The following NCALD variants were observed in gnomAD, a reference collection of about 807,000 sequenced individuals.
NCALD encodes neurocalcin delta, also known as neurocalcin-delta.
NCALD carries 10 observed loss-of-function variants against 18.6 expected under a neutral mutation model. The ratio of observed to expected loss-of-function variants is 0.54; its 90% CI spans 0.33 to 0.91. The LOEUF (loss-of-function observed/expected upper bound fraction) is 0.91, where lower values mean the gene tolerates loss of function less well. Ranked by LOEUF, NCALD falls within the 40% of genes least tolerant of loss-of-function variation. NCALD has a pLI of 0.03. For synonymous variants in NCALD, 88 were observed against 87.4 expected, an observed-to-expected ratio of 1.01 and a Z score of -0.04; for missense variants, 184 against 247.6, an observed-to-expected ratio of 0.74 and a Z score of 1.72.
chr8:102,002,771 A>G (rs1009515575), intron 2 of NCALD, among the ~76,000 whole-genome samples: 1 of 152,256 alleles, frequency 6.6e-6, no homozygotes, highest in Non-Finnish European at 1.5e-5. Context: ...CTGCTCCTGA[A>G]TGACTACTGT....
At chr8:101,929,861 C>T (rs910415590) in intron 2 of NCALD, among the ~76,000 whole-genome samples, 7 of 152,078 alleles carry the variant, frequency 4.6e-5, no homozygotes, top group Non-Finnish European at 7.4e-5. Flanking sequence ...GCCTGACCAA[C>T]ATGGTAAAAC....
intron 1 of NCALD, among the ~76,000 whole-genome samples, chr8:102,102,823 T>C (rs990322868): frequency 3.0e-4 from 46 of 152,136 alleles, no homozygotes; most frequent in African/African-American, 1.0e-3. Context: ...GCTCTCGGTT[T>C]CCAGCTGGGC....
At chr8:101,961,560 T>C (rs539398510) in intron 2 of NCALD, among the ~76,000 whole-genome samples, 21 of 152,278 alleles carry the variant, frequency 1.4e-4, no homozygotes, top group Admixed American at 1.2e-3. Context: ...ACTGTGGTAC[T>C]GCTGGGGTAT....
At chr8:101,922,970 G>A (rs1412510942) in intron 2 of NCALD, among the ~76,000 whole-genome samples, 5 of 152,128 alleles carry the variant, frequency 3.3e-5, no homozygotes, top group Admixed American at 3.3e-4. Context: ...ACCTAGGAAA[G>A]TGAAACTATG....
chr8:101,948,177 C>T (rs371343783), intron 2 of NCALD, among the ~76,000 whole-genome samples: 4 of 152,176 alleles, frequency 2.6e-5, no homozygotes, highest in East Asian at 3.8e-4. Context: ...TTGGGGAAGA[C>T]GTTGCAATAA....
intron 1 of NCALD, among the ~76,000 whole-genome samples, chr8:102,025,057 T>C (rs989338056): frequency 1.3e-5 from 2 of 152,212 alleles, no homozygotes; most frequent in African/African-American, 4.8e-5. Context: ...GGGCCCTGTA[T>C]GACCTGTCCC....
At chr8:102,006,302 T>G (rs1424803592) in intron 2 of NCALD, among the ~76,000 whole-genome samples, 1 of 152,130 alleles carries the variant, frequency 6.6e-6, no homozygotes, top group Non-Finnish European at 1.5e-5. Flanking sequence ...AATGTTTTCA[T>G]TGGTTCTCTT....
intron 1 of NCALD, among the ~76,000 whole-genome samples, chr8:101,784,795 T>C (rs1450151399): frequency 1.3e-5 from 2 of 152,064 alleles, no homozygotes; most frequent in African/African-American, 2.4e-5. Context: ...TGAGAACCCA[T>C]CTCTAAAAAA....
At chr8:101,915,713 T>C (rs1817949954) in intron 3 of NCALD, 1 of 152,204 alleles carries the variant, frequency 6.6e-6, no homozygotes, top group African/African-American at 2.4e-5. Context: ...CTATTCTTGA[T>C]AAAACATTTG....
chr8:101,984,001 G>A (rs1820715142), intron 2 of NCALD, among the ~76,000 whole-genome samples: 1 of 152,176 alleles, frequency 6.6e-6, no homozygotes, highest in African/African-American at 2.4e-5. Context: ...GGTCTCTCCT[G>A]AATCACCTGC....
At chr8:102,123,468 A>C (rs1587131254) in intron 1 of NCALD, among the ~76,000 whole-genome samples, 1 of 151,446 alleles carries the variant, frequency 6.6e-6, no homozygotes, top group Admixed American at 6.6e-5. Context: ...TAGAAAAAAA[A>C]AAAAAAAACT....
intron 1 of NCALD, among the ~76,000 whole-genome samples, chr8:101,747,791 C>T (rs1302878872): frequency 6.6e-6 from 1 of 151,296 alleles, no homozygotes; most frequent in Non-Finnish European, 1.5e-5. Flanking sequence ...GATCTCAGCT[C>T]ACCGCAACCT....
intron 2 of NCALD, among the ~76,000 whole-genome samples, chr8:102,009,232 A>G (rs757814716): frequency 5.3e-5 from 8 of 152,252 alleles, no homozygotes; most frequent in South Asian, 2.1e-4. Context: ...TGGTGGTCCA[A>G]TGACCTTTCT....
chr8:101,989,560 C>A (rs1820963838), intron 2 of NCALD, among the ~76,000 whole-genome samples: 1 of 152,182 alleles, frequency 6.6e-6, no homozygotes, highest in Non-Finnish European at 1.5e-5. Context: ...ATATAACATT[C>A]AATTATAAAA....
At chr8:101,809,982 G>A (rs551565705) in intron 4 of NCALD, among the ~76,000 whole-genome samples, 52 of 152,330 alleles carry the variant, frequency 3.4e-4, no homozygotes, top group Non-Finnish European at 6.2e-4. Context: ...GAATGAGGAA[G>A]TAGGGCTGAG....
chr8:102,105,462 C>T (rs2132429108), intron 1 of NCALD, among the ~76,000 whole-genome samples: 1 of 152,260 alleles, frequency 6.6e-6, no homozygotes, highest in African/African-American at 2.4e-5. Flanking sequence ...GCTTGTGTTG[C>T]CTTTCTCAGT....
chr8:101,870,855 G>T (rs1277792574), intron 4 of NCALD, among the ~76,000 whole-genome samples: 1 of 148,624 alleles, frequency 6.7e-6, no homozygotes, highest in Non-Finnish European at 1.5e-5. Context: ...TACCAAAAAG[G>T]TTCAAAAAGG....
chr8:101,855,538 A>G (rs1190329784), intron 4 of NCALD, among the ~76,000 whole-genome samples: 1 of 152,200 alleles, frequency 6.6e-6, no homozygotes, highest in Non-Finnish European at 1.5e-5. Flanking sequence ...GCAGCATAAT[A>G]TAGTCAATCC....
intron 1 of NCALD, among the ~76,000 whole-genome samples, chr8:101,733,106 C>A (rs901203475): frequency 1.3e-5 from 2 of 152,138 alleles, no homozygotes; most frequent in South Asian, 2.1e-4. Flanking sequence ...GGCTGGATCA[C>A]TTTCAGGGTT....
Sources: gnomAD v4.1 joint callset for allele counts (sites outside exome capture counted in the v4.1 genomes callset) on GRCh38, gnomAD v4.1.1 for gene constraint, MANE v1.5 for transcripts, NCBI Gene and HGNC (gene_info 2026-07-23, HGNC 2026-07-21) for gene names.